The following LRRC63 variants were observed in gnomAD, a reference collection of about 807,000 sequenced individuals.
LRRC63 encodes the protein leucine rich repeat containing 63.
Under a neutral mutation model 49.5 loss-of-function variants are expected in LRRC63, and 40 were observed. That is an observed-to-expected ratio of 0.81 (90% CI 0.63 to 1.05). The LOEUF is 1.05. LRRC63 is among the 50% of genes least tolerant of loss of function. The probability of loss-of-function intolerance (pLI) is 0.00; values close to 1 mark genes in which losing one functional copy is unlikely to be tolerated. For missense variants in LRRC63, 636 were observed against 663.1 expected (o/e 0.96, Z 0.45); for synonymous variants, 191 against 221.1 (o/e 0.86, Z 1.21).
chr13:46,228,560 A>G lies in LRRC63; in HGVS notation c.764-105A>G. On this transcript the variant is annotated intron_variant, in intron 3 of 9. Coordinates refer to ENST00000595396, the Ensembl canonical transcript of LRRC63. ...CCTTCATGAATATATTTTCATGGAT[A>G]ATTGGAATCCATTAAATGATGAACA... is the stretch of plus-strand genomic sequence containing the variant. 4 of 702,894 alleles carry G rather than the reference A, an allele frequency of 5.7e-6. No individual in the cohort carries two copies. In the South Asian group the frequency reaches 7.3e-5, roughly 13 times the overall value. 43.5% of individuals were successfully genotyped at this position (702,894 alleles called of 1,614,324 possible). A position where few individuals can be genotyped will look rare whatever the true frequency, so the allele number is the denominator to read the frequency against.
intron 5 of LRRC63, among the ~76,000 whole-genome samples, chr13:46,240,616 T>C (rs2047034982): frequency 6.6e-6 from 1 of 152,168 alleles, no homozygotes; most frequent in South Asian, 2.1e-4. Flanking sequence ...CTTAAGCTGA[T>C]AAACAACTTC....
exon 8 of LRRC63, chr13:46,261,957 A>T: frequency 8.5e-7 from 1 of 1,180,204 alleles, no homozygotes; most frequent in Non-Finnish European, 1.1e-6. Context: ...CCTATAATGA[A>T]CTTACTTTTA....
At chr13:46,258,905 AAAAT>A (rs2047569856) in intron 7 of LRRC63, among the ~76,000 whole-genome samples, 1 of 152,126 alleles carries the variant, frequency 6.6e-6, no homozygotes, top group Non-Finnish European at 1.5e-5. Flanking sequence ...TTTCTAAAAT[AAAAT>A]AAAATATGCA....
intron 7 of LRRC63, among the ~76,000 whole-genome samples, chr13:46,255,645 A>AAAAAAAAAAAATATATATATAT: frequency 7.7e-6 from 1 of 129,454 alleles, no homozygotes; most frequent in Admixed American, 8.3e-5. Context: ...CCCTGCCTCA[A>AAAAAAAAAAAATATATATATAT]ATATATATAT....
chr13:46,230,419 C>T (rs770484257), intron 4 of LRRC63, among the ~76,000 whole-genome samples: 14 of 152,172 alleles, frequency 9.2e-5, no homozygotes, highest in Non-Finnish European at 1.2e-4. Flanking sequence ...AGACCGTCTG[C>T]TAGTTGAGGA....
chr13:46,240,773 C>A (rs2047039397), intron 5 of LRRC63, among the ~76,000 whole-genome samples: 2 of 152,064 alleles, frequency 1.3e-5, no homozygotes, highest in African/African-American at 4.8e-5. Context: ...TACAGCTAAC[C>A]AAGGATGTGA....
chr13:46,232,054 A>G (rs993170644), intron 4 of LRRC63, among the ~76,000 whole-genome samples: 2 of 151,020 alleles, frequency 1.3e-5, no homozygotes, highest in African/African-American at 2.4e-5. Context: ...TGACCTCGTG[A>G]TCCGCCGGCC....
At position 46,276,827 on chromosome 13, in the gene LRRC63, T is replaced by C. The variant is rs748725219; in HGVS notation, c.*24T>C. ...AGTACAATGATTTATCGTATGTGTG[T>C]GTATATATATATATATATATATATT... On this transcript the variant is annotated 3_prime_UTR_variant, in exon 10 of 10. Coordinates refer to ENST00000595396, the Ensembl canonical transcript of LRRC63. 4.8e-4 allele frequency: 71 copies of C among 148,250 alleles called. 1 individual carries two copies. The highest frequency in any genetic ancestry group is 2.6e-3 in the African/African-American group (55 of 20,778). 9.2% of individuals were successfully genotyped at this position (148,250 alleles called of 1,614,324 possible). A position where few individuals can be genotyped will look rare whatever the true frequency, so the allele number is the denominator to read the frequency against.
At chr13:46,233,922 A>G (rs552028511) in intron 4 of LRRC63, among the ~76,000 whole-genome samples, 1 of 152,366 alleles carries the variant, frequency 6.6e-6, no homozygotes, top group African/African-American at 2.4e-5. Flanking sequence ...GATGGAATCT[A>G]AATTATCTAG....
At chr13:46,272,540 A>G (rs2047774387) in intron 9 of LRRC63, among the ~76,000 whole-genome samples, 1 of 152,226 alleles carries the variant, frequency 6.6e-6, no homozygotes, top group Non-Finnish European at 1.5e-5. Flanking sequence ...CATTGTTGGT[A>G]CTATAAATTG....
intron 9 of LRRC63, 68 bp from the exon 10 acceptor site, chr13:46,276,522 G>A (rs936217974): frequency 2.7e-6 from 2 of 729,082 alleles, no homozygotes; most frequent in African/African-American, 3.7e-5. Context: ...ACTATTTGGA[G>A]TCTTGCATAG....
chr13:46,232,057 C>T lies in LRRC63; in HGVS notation c.833-2135C>T, dbSNP rs9595434. ...GTCTTGATCTCCTGACCTCGTGATC[C>T]GCCGGCCTCGGCCTCCCAAAGTGCT... On this transcript the variant is annotated intron_variant, in intron 4 of 9. Transcript: ENST00000595396. 9.7e-3 allele frequency among the ~76,000 whole-genome samples: 1,423 copies of T among 147,358 alleles called. 22 individuals carry two copies. The highest frequency in any genetic ancestry group is 0.034 in the African/African-American group (1,356 of 39,894).
In LRRC63 at chr13:46,228,717, AC is replaced by A. The variant is rs1277670357; in HGVS notation, c.818del (p.Pro273GlnfsTer13). 10 of 1,541,150 alleles carry A rather than the reference AC, an allele frequency of 6.5e-6. No individual in the cohort carries two copies. The highest frequency in any genetic ancestry group is 8.8e-6 in the Non-Finnish European group (10 of 1,138,516). On this transcript the variant is annotated frameshift_variant, in exon 4 of 10. Coordinates refer to ENST00000595396, the Ensembl canonical transcript of LRRC63. LOFTEE classifies it high-confidence loss of function. Reference sequence around the variant, plus strand: ...TAGAAAGTGTCCCAAAGCAAATCCCACCAAGACCACCTGAAGGTAAATGCTA... The same window carrying A: ...TAGAAAGTGTCCCAAAGCAAATCCCACAAGACCACCTGAAGGTAAATGCTA...
At chr13:46,235,987 A>G (rs1351549108) in intron 5 of LRRC63, among the ~76,000 whole-genome samples, 1 of 152,014 alleles carries the variant, frequency 6.6e-6, no homozygotes, top group East Asian at 1.9e-4. Flanking sequence ...ACAAAACAAA[A>G]CAATTCTGGA....
rs1349335205 is a variant in LRRC63, at chr13:46,240,158, G to A, written c.990+5809G>A. ...TTTTTTTTTTTTTTGACGGAGTCTCGCTCTGTTGCCCAGGCTGGAGTGCAG... is the reference window on the plus strand; with the variant it reads ...TTTTTTTTTTTTTTGACGGAGTCTCACTCTGTTGCCCAGGCTGGAGTGCAG... On this transcript the variant is annotated intron_variant, in intron 5 of 9. Coordinates refer to ENST00000595396, the Ensembl canonical transcript of LRRC63. Among the ~76,000 whole-genome samples the A allele has an allele frequency of 4.8e-4, 64 of 134,734 alleles. 1 individual carries two copies. Among genetic ancestry groups the A allele is most frequent in the Middle Eastern group, 4.3e-3 (1 of 230 alleles). 88.4% of individuals were successfully genotyped at this position (134,734 alleles called of 152,430 possible).
At chr13:46,241,830 T>A (rs2047072251) in intron 5 of LRRC63, among the ~76,000 whole-genome samples, 1 of 152,014 alleles carries the variant, frequency 6.6e-6, no homozygotes, top group Admixed American at 6.6e-5. Context: ...CAGATGCTGT[T>A]GAGGTTGTGG....
Position 46,235,618 on chromosome 13 carries a change from C to CA in LRRC63, c.990+1278dup, listed in dbSNP as rs111284603. 2.4e-3 allele frequency among the ~76,000 whole-genome samples: 354 copies of CA among 149,600 alleles called. 2 individuals carry two copies. Among genetic ancestry groups the CA allele is most frequent in the South Asian group, 8.3e-3 (39 of 4,714 alleles). On this transcript the variant is annotated intron_variant, in intron 5 of 9. Coordinates refer to ENST00000595396, the Ensembl canonical transcript of LRRC63. ...TTTTTAACAAAAATTATGGAATATG[C>CA]AAAAAAAAATGCTTGTTCACAGAAG... is the stretch of plus-strand genomic sequence containing the variant.
intron 9 of LRRC63, chr13:46,270,114 C>G: frequency 1.5e-6 from 1 of 660,958 alleles, no homozygotes; most frequent in East Asian, 2.6e-5. Context: ...CCGGTGGTGC[C>G]TTTGTTCGTG....
At chr13:46,259,030 T>C (rs536083383) in intron 7 of LRRC63, among the ~76,000 whole-genome samples, 1 of 152,204 alleles carries the variant, frequency 6.6e-6, no homozygotes, top group Non-Finnish European at 1.5e-5. Context: ...GGCCTACATT[T>C]TCGTTCCTAA....
Sources: gnomAD v4.1 joint callset for allele counts (sites outside exome capture counted in the v4.1 genomes callset) on GRCh38, gnomAD v4.1.1 for gene constraint, MANE v1.5 for transcripts, NCBI Gene and HGNC (gene_info 2026-07-23, HGNC 2026-07-21) for gene names.